The following KITLG variants were observed in gnomAD, a reference collection of about 807,000 sequenced individuals.
The protein encoded by KITLG is KIT ligand.
KITLG carries 13 observed loss-of-function variants against 34.1 expected under a neutral mutation model. The observed-to-expected ratio is 0.38, with a 90% CI of 0.25 to 0.61. The LOEUF (loss-of-function observed/expected upper bound fraction) is 0.61. KITLG is among the 20% of genes least tolerant of loss of function. The pLI is 0.60. For synonymous variants in KITLG, 110 were observed against 104.0 expected (o/e 1.06, Z -0.35); for missense variants, 292 against 318.9 (o/e 0.92, Z 0.64).
At chr12:88,560,038 C>A (rs1871246532) in intron 1 of KITLG, among the ~76,000 whole-genome samples, 2 of 152,200 alleles carry the variant, frequency 1.3e-5, no homozygotes, top group South Asian at 4.1e-4. Flanking sequence ...GGATTCAAAT[C>A]CTGGTGCTGT....
intron 7 of KITLG, 37 bp downstream of exon 7, chr12:88,506,991 A>G: frequency 9.5e-7 from 1 of 1,055,760 alleles, no homozygotes; most frequent in South Asian, 1.3e-5. Flanking sequence ...TTATGTAAAC[A>G]TAGCATATTT....
At chr12:88,540,886 G>A (rs574942699) in intron 2 of KITLG, among the ~76,000 whole-genome samples, 1 of 152,098 alleles carries the variant, frequency 6.6e-6, no homozygotes, top group African/African-American at 2.4e-5. Flanking sequence ...GCTAAATATT[G>A]CAACCTAATA....
chr12:88,560,694 G>A (rs943504378), intron 1 of KITLG, among the ~76,000 whole-genome samples: 2 of 152,166 alleles, frequency 1.3e-5, no homozygotes, highest in African/African-American at 4.8e-5. Flanking sequence ...TGTTGGCTGG[G>A]CGCTGTGGCT....
intron 9 of KITLG, among the ~76,000 whole-genome samples, chr12:88,500,514 A>G (rs1049368554): frequency 1.3e-5 from 2 of 152,226 alleles, no homozygotes; most frequent in African/African-American, 2.4e-5. Flanking sequence ...GCATCCATCA[A>G]TGCACCTGCT....
At chr12:88,575,250 TAAA>T (rs1871789399) in intron 1 of KITLG, among the ~76,000 whole-genome samples, 1 of 152,178 alleles carries the variant, frequency 6.6e-6, no homozygotes. Context: ...TCCAGGTTAA[TAAA>T]AGAAATCAGC....
rs371621959 is a variant in KITLG, at chr12:88,532,071, G to C, written c.192+370C>G. On this transcript the variant is annotated intron_variant, in intron 3 of 9. Coordinates refer to ENST00000644744, the MANE Select transcript of KITLG (RefSeq NM_000899.5). ...TTAAAAATAAAGTATACAGAAGAAT[G>C]TGCATAGGTTATATGCAAATACTAT... is the stretch of plus-strand genomic sequence containing the variant. Among the ~76,000 whole-genome samples the C allele has an allele frequency of 2.6e-5, 4 of 152,130 alleles. No individual in the cohort carries two copies. The East Asian group carries it at 5.8e-4, about 22-fold the overall frequency.
chr12:88,548,770 T>G (rs1870800471), intron 1 of KITLG, among the ~76,000 whole-genome samples: 1 of 152,200 alleles, frequency 6.6e-6, no homozygotes, highest in African/African-American at 2.4e-5. Flanking sequence ...TGCTACCTAG[T>G]AACTTCAGCT....
chr12:88,564,445 C>T (rs1229363960), intron 1 of KITLG: 2 of 152,128 alleles, frequency 1.3e-5, no homozygotes, highest in African/African-American at 4.8e-5. Flanking sequence ...TCTACTTCCT[C>T]AGGAAATGAA....
chr12:88,502,821 T>A (rs2120792280), intron 9 of KITLG, among the ~76,000 whole-genome samples: 1 of 152,206 alleles, frequency 6.6e-6, no homozygotes, highest in Non-Finnish European at 1.5e-5. Context: ...CATTTGAGCA[T>A]TTAAGACTCA....
Position 88,515,526 on chromosome 12 carries a change from G to A in KITLG, c.604+8C>T, listed in dbSNP as rs1869423436. 2 of 1,578,990 alleles carry A rather than the reference G, an allele frequency of 1.3e-6. No individual in the cohort carries two copies. The highest frequency in any genetic ancestry group is 2.7e-5 in the African/African-American group (2 of 74,092). On this transcript the variant is annotated splice_region_variant and intron_variant, in intron 6 of 9. Coordinates refer to ENST00000644744, the MANE Select transcript of KITLG (RefSeq NM_000899.5). ...CATGCATGCATTAAATCAGATATAT[G>A]TACTTACTATTACTGCTACTGCTGT... is the stretch of plus-strand genomic sequence containing the variant.
At chr12:88,504,822 T>C (rs987444775) in intron 9 of KITLG, among the ~76,000 whole-genome samples, 4 of 151,960 alleles carry the variant, frequency 2.6e-5, no homozygotes, top group African/African-American at 7.2e-5. Flanking sequence ...CACATGCACA[T>C]GTATGACTGA....
chr12:88,562,092 A>T (rs564537067), intron 1 of KITLG, among the ~76,000 whole-genome samples: 1 of 152,292 alleles, frequency 6.6e-6, no homozygotes, highest in South Asian at 2.1e-4. Context: ...TGAGGATTAT[A>T]TTATTCTTAT....
At chr12:88,528,889 A>G (rs559029976) in intron 3 of KITLG, among the ~76,000 whole-genome samples, 1 of 152,348 alleles carries the variant, frequency 6.6e-6, no homozygotes, top group African/African-American at 2.4e-5. Flanking sequence ...AAAACTGATG[A>G]ATATATACTT....
At chr12:88,518,271 T>C (rs1869525363) in intron 4 of KITLG, among the ~76,000 whole-genome samples, 1 of 152,160 alleles carries the variant, frequency 6.6e-6, no homozygotes, top group African/African-American at 2.4e-5. Flanking sequence ...AGTTATCCAA[T>C]GACTTTGAGG....
chr12:88,555,859 CAGAA>C (rs1269328902), intron 1 of KITLG, among the ~76,000 whole-genome samples: 1 of 152,088 alleles, frequency 6.6e-6, no homozygotes, highest in East Asian at 1.9e-4. Context: ...AAGATAAAGA[CAGAA>C]AGACTATGAT....
intron 2 of KITLG, among the ~76,000 whole-genome samples, chr12:88,535,388 T>C (rs774537271): frequency 6.6e-6 from 1 of 152,222 alleles, no homozygotes; most frequent in Non-Finnish European, 1.5e-5. Context: ...CAAGTTTTCA[T>C]ATACAGTCTC....
chr12:88,522,530 C>T (rs981523520), intron 3 of KITLG, among the ~76,000 whole-genome samples: 41 of 150,396 alleles, frequency 2.7e-4, no homozygotes, highest in East Asian at 1.6e-3. Context: ...TGGGTTCAAG[C>T]GATTCTCCTG....
intron 3 of KITLG, among the ~76,000 whole-genome samples, chr12:88,523,053 A>G (rs1869732461): frequency 6.6e-6 from 1 of 152,186 alleles, no homozygotes; most frequent in Non-Finnish European, 1.5e-5. Flanking sequence ...AAATACCAGC[A>G]TTACCACCCA....
chr12:88,546,909 T>C (rs1353547502), intron 1 of KITLG, among the ~76,000 whole-genome samples: 1 of 152,088 alleles, frequency 6.6e-6, no homozygotes, highest in Non-Finnish European at 1.5e-5. Context: ...AATTAATCAA[T>C]TAACCTTAAG....
Sources: gnomAD v4.1 joint callset for allele counts (sites outside exome capture counted in the v4.1 genomes callset) on GRCh38, gnomAD v4.1.1 for gene constraint, MANE v1.5 for transcripts, NCBI Gene and HGNC (gene_info 2026-07-23, HGNC 2026-07-21) for gene names.